REV3L: variants seen among roughly 807,000 people sequenced by gnomAD.
REV3L encodes REV3 like, DNA directed polymerase zeta catalytic subunit.
In REV3L, 69 loss-of-function variants were observed where a neutral mutation model predicts 299.4. That is an observed-to-expected ratio of 0.23 (90% CI 0.19 to 0.28). REV3L has a LOEUF of 0.28. REV3L is among the 10% of genes least tolerant of loss of function. The pLI, the probability that REV3L is intolerant of heterozygous loss-of-function variation, is 1.00. For synonymous variants in REV3L, 1,238 were observed against 1,271.4 expected (o/e 0.97, Z 0.56); for missense variants, 3,128 against 3,693.8 (o/e 0.85, Z 3.97).
chr6:111,355,936 CAG>C (rs1778043077), intron 18 of REV3L, among the ~76,000 whole-genome samples: 2 of 152,012 alleles, frequency 1.3e-5, no homozygotes, highest in Non-Finnish European at 2.9e-5. Flanking sequence ...TTTTTTCCTT[CAG>C]AGTCGTGGGT....
At chr6:111,438,521 A>G (rs1484171395) in intron 1 of REV3L, among the ~76,000 whole-genome samples, 1 of 150,432 alleles carries the variant, frequency 6.6e-6, no homozygotes, top group Non-Finnish European at 1.5e-5. Flanking sequence ...AAAAAAAAAG[A>G]GGTAAAGTGA....
chr6:111,308,569 T>C (rs1329009351), intron 30 of REV3L, among the ~76,000 whole-genome samples: 2 of 152,236 alleles, frequency 1.3e-5, no homozygotes, highest in Admixed American at 6.5e-5. Flanking sequence ...AAATCTTAAG[T>C]TGAACCATCA....
At chr6:111,440,351 G>T (rs1027558781) in intron 1 of REV3L, among the ~76,000 whole-genome samples, 6 of 152,196 alleles carry the variant, frequency 3.9e-5, no homozygotes, top group African/African-American at 1.4e-4. Context: ...TTACAGGCGT[G>T]AGCCACCACG....
chr6:111,333,594 C>T (rs1204445776), intron 22 of REV3L, among the ~76,000 whole-genome samples: 1 of 151,992 alleles, frequency 6.6e-6, no homozygotes, highest in Non-Finnish European at 1.5e-5. Context: ...CCTACCTCAG[C>T]CTCCCGAGTA....
intron 19 of REV3L, among the ~76,000 whole-genome samples, chr6:111,350,127 CTTTAT>C (rs1235481470): frequency 6.6e-6 from 1 of 152,076 alleles, no homozygotes; most frequent in African/African-American, 2.4e-5. Flanking sequence ...ACATTACTTC[CTTTAT>C]TTTAACAGGA....
rs1793990318 is a variant in REV3L at position 111,483,216 on chromosome 6, C to T, written c.-328G>A. ...GCTCTTGTTGCCATGATGATGATGT[C>T]ACGGACGCAACCACTGGGGGGAGGG... On this transcript the variant is annotated 5_prime_UTR_variant, in exon 1 of 32. Transcript: ENST00000368802. 2.1e-6 allele frequency: 1 copy of T among 479,072 alleles called. No homozygotes were observed. The highest frequency in any genetic ancestry group is 2.1e-5 in the African/African-American group (1 of 48,744). The allele number at this position is 479,072 out of a possible 1,614,324, so 29.7% of individuals were successfully genotyped here. A position where few individuals can be genotyped will look rare whatever the true frequency, so the allele number is the denominator to read the frequency against.
chr6:111,347,941 G>A (rs1416611794), intron 20 of REV3L, among the ~76,000 whole-genome samples: 7 of 152,002 alleles, frequency 4.6e-5, no homozygotes, highest in East Asian at 1.9e-4. Flanking sequence ...CTGGCTACAC[G>A]CTAGGCACAT....
intron 1 of REV3L, among the ~76,000 whole-genome samples, chr6:111,434,050 A>G (rs563779116): frequency 1.3e-5 from 2 of 152,302 alleles, no homozygotes; most frequent in East Asian, 3.9e-4. Context: ...TCAAAATAAT[A>G]AAGAATATAT....
upstream of REV3L, chr6:111,483,598 C>T (rs1439439690): frequency 1.1e-5 from 5 of 452,656 alleles, no homozygotes; most frequent in Non-Finnish European, 1.7e-5. Flanking sequence ...CTCACACTTG[C>T]CTCGCCGACC....
intron 1 of REV3L, among the ~76,000 whole-genome samples, chr6:111,461,079 T>C (rs1790715221): frequency 6.6e-6 from 1 of 152,192 alleles, no homozygotes; most frequent in Non-Finnish European, 1.5e-5. Context: ...TATTTTAGAA[T>C]GTACTCCTAC....
chr6:111,300,439 A>G (rs1265749514), intron 31 of REV3L, among the ~76,000 whole-genome samples: 2 of 152,248 alleles, frequency 1.3e-5, no homozygotes, highest in Non-Finnish European at 2.9e-5. Context: ...TAAAATCTAC[A>G]TAAGCTACCC....
At chr6:111,371,398 AT>A (rs925769210) in intron 13 of REV3L, among the ~76,000 whole-genome samples, 5 of 149,276 alleles carry the variant, frequency 3.3e-5, no homozygotes, top group Non-Finnish European at 1.5e-5. Context: ...CCCTGAAGAG[AT>A]TTTTTTTTTG....
intron 25 of REV3L, among the ~76,000 whole-genome samples, chr6:111,326,723 G>A (rs546644070): frequency 1.3e-5 from 2 of 151,416 alleles, no homozygotes; most frequent in South Asian, 2.1e-4. Context: ...GTCCATCAAC[G>A]AGTGAATGGA....
chr6:111,437,282 T>C (rs2128304581), intron 1 of REV3L, among the ~76,000 whole-genome samples: 1 of 152,266 alleles, frequency 6.6e-6, no homozygotes, highest in South Asian at 2.1e-4. Context: ...CAAATACCTG[T>C]ACATGAATAT....
intron 20 of REV3L, 122 bp from the exon 21 acceptor site, chr6:111,344,165 T>G (rs1776803732): frequency 3.2e-6 from 2 of 621,546 alleles, no homozygotes; most frequent in Non-Finnish European, 5.6e-6. Context: ...CTTGTAAAAC[T>G]GATGTGCAGT....
At chr6:111,314,820 A>T (rs1773344547) in intron 27 of REV3L, among the ~76,000 whole-genome samples, 1 of 151,856 alleles carries the variant, frequency 6.6e-6, no homozygotes, top group Non-Finnish European at 1.5e-5. Flanking sequence ...ATTTTGAGAA[A>T]ATTATACAAA....
At chr6:111,437,550 A>G (rs1395853753) in intron 1 of REV3L, among the ~76,000 whole-genome samples, 1 of 151,588 alleles carries the variant, frequency 6.6e-6, no homozygotes, top group South Asian at 2.1e-4. Context: ...TATATTATAT[A>G]GAGAAAAATT....
chr6:111,343,788 C>T, intron 21 of REV3L, 137 bp downstream of exon 21: 1 of 520,540 alleles, frequency 1.9e-6, no homozygotes, highest in Non-Finnish European at 3.2e-6. Flanking sequence ...CCTCGGCCTC[C>T]CAATGTGCTA....
chr6:111,466,733 T>C (rs781548028), intron 1 of REV3L, among the ~76,000 whole-genome samples: 1 of 152,076 alleles, frequency 6.6e-6, no homozygotes, highest in Non-Finnish European at 1.5e-5. Context: ...TCCCAGCTAC[T>C]TGGGAGACTG....
Sources: allele counts gnomAD v4.1 joint callset (sites outside exome capture counted in the v4.1 genomes callset), GRCh38; gene constraint gnomAD v4.1.1; transcripts MANE v1.5; gene names NCBI Gene and HGNC (gene_info 2026-07-23, HGNC 2026-07-21).